The following UNK variants were observed in gnomAD, a reference collection of about 807,000 sequenced individuals.
UNK encodes the protein unk zinc finger, also known as RING finger protein unkempt homolog.
A neutral mutation model predicts 97.6 loss-of-function variants in UNK; 32 were observed. The observed-to-expected ratio is 0.33, with a 90% CI of 0.25 to 0.44. The LOEUF is 0.44. Among genes scored for constraint, UNK ranks in the 20% least tolerant of loss-of-function variants. The pLI is 1.00. For synonymous variants in UNK, 441 were observed against 461.2 expected, an observed-to-expected ratio of 0.96 and a Z score of 0.56; for missense variants, 771 against 1,098.4, an observed-to-expected ratio of 0.70 and a Z score of 4.21.
intron 6 of UNK, 68 bp from the exon 7 acceptor site, chr17:75,815,101 G>A: frequency 6.9e-7 from 1 of 1,455,836 alleles, no homozygotes; most frequent in African/African-American, 1.4e-5. Flanking sequence ...ACTCATGCTG[G>A]AGGAAGGGGA....
chr17:75,785,036 C>A, intron 1 of UNK, 52 bp downstream of exon 1: 1 of 1,300,474 alleles, frequency 7.7e-7, no homozygotes. Context: ...ACGTCAGCGG[C>A]CAGCGTGAGT....
intron 1 of UNK, among the ~76,000 whole-genome samples, chr17:75,787,966 T>A (rs1199294483): frequency 6.6e-6 from 1 of 151,988 alleles, no homozygotes; most frequent in East Asian, 1.9e-4. Flanking sequence ...TCCACCCCCA[T>A]AAGGTGAATT....
intron 1 of UNK, among the ~76,000 whole-genome samples, chr17:75,797,940 A>C (rs374226120): frequency 6.6e-6 from 1 of 152,050 alleles, no homozygotes; most frequent in Admixed American, 6.6e-5. Context: ...GGAGGCCATC[A>C]TTGTCTTGCC....
intron 1 of UNK, among the ~76,000 whole-genome samples, chr17:75,805,184 A>T (rs1368215864): frequency 6.6e-6 from 1 of 150,754 alleles, no homozygotes; most frequent in Non-Finnish European, 1.5e-5. Context: ...CATCTCAAAA[A>T]AAAAAAAAAA....
intron 1 of UNK, among the ~76,000 whole-genome samples, chr17:75,788,509 T>A (rs1599354945): frequency 6.6e-6 from 1 of 151,982 alleles, no homozygotes; most frequent in African/African-American, 2.4e-5. Flanking sequence ...TTTAAACTTT[T>A]ATTTATTTAT....
rs2062018782 is a variant in UNK at position 75,816,706 on chromosome 17, A to C, written c.962-64A>C. On this transcript the variant is annotated intron_variant, in intron 7 of 15. Transcript: ENST00000589666. The surrounding 1 kb of genome is among the most constrained non-coding windows in gnomAD (Gnocchi z 4.0). The stretch of plus-strand genomic sequence containing the variant: ...TTGTGGTCTCCTTTGGAAGGGACCC[A>C]GGAGCATTTTTGGAGGGACAGAGCT... 6.5e-7 allele frequency: 1 copy of C among 1,531,678 alleles called. No individual in the cohort carries two copies. Among genetic ancestry groups the C allele is most frequent in the African/African-American group, 1.4e-5 (1 of 73,206 alleles). 94.9% of individuals were successfully genotyped at this position (1,531,678 alleles called of 1,614,324 possible).
At position 75,816,261 on chromosome 17, in the gene UNK, G is replaced by T; in HGVS notation, c.962-509G>T. ...TTTCCACCCCAAGATACTGCCCTGG[G>T]TCTCCTTAACCTCTTTCCAGGCTCA... On this transcript the variant is annotated intron_variant, in intron 7 of 15. Coordinates refer to ENST00000589666, the MANE Select transcript of UNK (RefSeq NM_001080419.3). The surrounding 1 kb of genome is among the most constrained non-coding windows in gnomAD (Gnocchi z 4.0). Among the ~76,000 whole-genome samples, 1 of 152,166 alleles carries T rather than the reference G, an allele frequency of 6.6e-6. No homozygotes were observed. The highest frequency in any genetic ancestry group is 1.9e-4 in the East Asian group (1 of 5,198).
chr17:75,790,912 C>T (rs1599357658), intron 1 of UNK, among the ~76,000 whole-genome samples: 1 of 152,088 alleles, frequency 6.6e-6, no homozygotes, highest in Non-Finnish European at 1.5e-5. Flanking sequence ...TACACTCCAG[C>T]CTGGGCAACA....
intron 1 of UNK, among the ~76,000 whole-genome samples, chr17:75,795,110 T>G (rs984220531): frequency 6.6e-6 from 1 of 152,138 alleles, no homozygotes; most frequent in Non-Finnish European, 1.5e-5. Flanking sequence ...TCTCCAGTCT[T>G]TGTAGCGCCT....
Position 75,814,179 on chromosome 17 carries a change from A to G in UNK, c.876+301A>G, listed in dbSNP as rs77074783. On this transcript the variant is annotated intron_variant, in intron 6 of 15. Coordinates refer to ENST00000589666, the MANE Select transcript of UNK (RefSeq NM_001080419.3). ...GGCCACTCTGGGCTTTCCACCACTC[A>G]TGGTGCTTGTAATCCAGTGACATCA... Among the ~76,000 whole-genome samples the G allele has an allele frequency of 7.9e-4, 120 of 152,164 alleles. 1 individual carries two copies. The highest frequency in any genetic ancestry group is 2.8e-3 in the African/African-American group (118 of 41,532).
intron 1 of UNK, 47 bp from the exon 2 acceptor site, chr17:75,809,713 C>G (rs1464476410): frequency 6.5e-7 from 1 of 1,549,358 alleles, no homozygotes; most frequent in Non-Finnish European, 8.7e-7. Context: ...AAGCAAGAGA[C>G]TTCATTCTCT....
intron 2 of UNK, 100 bp downstream of exon 2, chr17:75,810,069 C>G (rs891910494): frequency 7.0e-7 from 1 of 1,429,718 alleles, no homozygotes; most frequent in Non-Finnish European, 9.6e-7. Context: ...ATCCAGAGGA[C>G]TGGTTGCAGC....
intron 1 of UNK, among the ~76,000 whole-genome samples, chr17:75,799,582 CTT>C (rs1328930540): frequency 6.6e-6 from 1 of 152,140 alleles, no homozygotes; most frequent in Non-Finnish European, 1.5e-5. Flanking sequence ...GTGCTTTTTG[CTT>C]TTCTTTTCAC....
In UNK at chr17:75,820,123, G is replaced by A. The variant is rs541503805; in HGVS notation, c.1837+15G>A. On this transcript the variant is annotated intron_variant, in intron 13 of 15. Coordinates refer to ENST00000589666, the MANE Select transcript of UNK (RefSeq NM_001080419.3). ...TGGATCTTTGGGTAAGAGAGGGAGT[G>A]GTTCACTCAGGAGAACTGGGGCAGG... The A allele has an allele frequency of 4.4e-6, 7 of 1,597,342 alleles. No homozygotes were observed. In the Admixed American group the frequency reaches 5.1e-5, roughly 12 times the overall value.
intron 1 of UNK, among the ~76,000 whole-genome samples, chr17:75,802,533 G>A (rs957654384): frequency 6.6e-6 from 1 of 152,052 alleles, no homozygotes; most frequent in African/African-American, 2.4e-5. Context: ...TGGGATTACG[G>A]GGATGAGCCA....
chr17:75,787,283 C>T (rs2061721182), intron 1 of UNK, among the ~76,000 whole-genome samples: 1 of 152,136 alleles, frequency 6.6e-6, no homozygotes, highest in African/African-American at 2.4e-5. Context: ...ACCATCTCAG[C>T]TCACTGTAGC....
At chr17:75,792,009 G>C (rs2061767431) in intron 1 of UNK, 1 of 985,336 alleles carries the variant, frequency 1.0e-6, no homozygotes. Context: ...TCAACACCCT[G>C]ATGCCTGAAG....
chr17:75,791,642 G>T, intron 1 of UNK: 2 of 707,260 alleles, frequency 2.8e-6, no homozygotes, highest in South Asian at 1.3e-4. Flanking sequence ...CCCGTTAAGT[G>T]TTAAGTGCCC....
At chr17:75,790,578 C>T (rs1248656505) in intron 1 of UNK, among the ~76,000 whole-genome samples, 1 of 152,000 alleles carries the variant, frequency 6.6e-6, no homozygotes, top group Non-Finnish European at 1.5e-5. Flanking sequence ...CTACAGTGAG[C>T]CAAGATTGTG....
Sources: gnomAD v4.1 joint callset for allele counts (sites outside exome capture counted in the v4.1 genomes callset) on GRCh38, gnomAD v4.1.1 for gene constraint, Gnocchi (gnomAD v3.1) non-coding constraint, MANE v1.5 for transcripts, NCBI Gene and HGNC (gene_info 2026-07-23, HGNC 2026-07-21) for gene names.